HAS3: variants seen among roughly 807,000 people sequenced by gnomAD.
HAS3 encodes HA synthase 3.
A neutral mutation model predicts 50.3 loss-of-function variants in HAS3; 27 were observed. The observed-to-expected ratio is 0.54, with a 90% CI of 0.40 to 0.74. The LOEUF (loss-of-function observed/expected upper bound fraction) is 0.74. Among genes scored for constraint, HAS3 ranks in the 30% least tolerant of loss-of-function variants. HAS3 has a pLI of 0.00. For synonymous variants in HAS3, 339 were observed against 310.9 expected, an observed-to-expected ratio of 1.09 and a Z score of -0.95; for missense variants, 517 against 742.8, an observed-to-expected ratio of 0.70 and a Z score of 3.53.
At chr16:69,103,811 C>T (rs1960721187), upstream of HAS3, among the ~76,000 whole-genome samples, 1 of 152,176 alleles carries the variant, frequency 6.6e-6, no homozygotes, top group African/African-American at 2.4e-5. Context: ...GTCTGGTTTA[C>T]TAACACTTGC....
chr16:69,116,072 T>TA lies in HAS3; in HGVS notation c.*811dup, dbSNP rs1597100719. The TA allele has an allele frequency of 1.0e-6, 1 of 985,596 alleles. No individual in the cohort carries two copies. The highest frequency in any genetic ancestry group is 1.1e-4 in the East Asian group (1 of 8,826). 61.1% of individuals were successfully genotyped at this position (985,596 alleles called of 1,614,324 possible). The stretch of plus-strand genomic sequence containing the variant: ...TTGTCTGTGATCTCTGCTGGGGAGA[T>TA]AAAAAGATTAAGCCCCAACATGTTC... On this transcript the variant is annotated 3_prime_UTR_variant, in exon 4 of 4. Coordinates refer to ENST00000569188, the MANE Select transcript of HAS3 (RefSeq NM_001199280.2).
chr16:69,103,166 G>A (rs1814328824), upstream of HAS3, among the ~76,000 whole-genome samples: 1 of 152,214 alleles, frequency 6.6e-6, no homozygotes, highest in South Asian at 2.1e-4. Context: ...TCCACAGGGA[G>A]ATGAGCCTCT....
chr16:69,087,014 C>T, the HAS3 span, among the ~76,000 whole-genome samples: 2 of 152,218 alleles, frequency 1.3e-5, no homozygotes, highest in Non-Finnish European at 1.5e-5. Flanking sequence ...CCACCCTGCT[C>T]TTCTCCCTCA....
the HAS3 span, chr16:69,083,588 A>G: frequency 6.6e-5 from 106 of 1,600,458 alleles, no homozygotes; most frequent in Admixed American, 2.4e-4. Context: ...GCCCTAGAAG[A>G]GCTGGATGAC....
At chr16:69,098,901 G>C in the HAS3 span, among the ~76,000 whole-genome samples, 1 of 151,634 alleles carries the variant, frequency 6.6e-6, no homozygotes, top group Admixed American at 6.6e-5. Flanking sequence ...ACGACCTCAG[G>C]TGATCTGCCT....
At chr16:69,089,270 G>A in the HAS3 span, among the ~76,000 whole-genome samples, 1 of 152,184 alleles carries the variant, frequency 6.6e-6, no homozygotes, top group Non-Finnish European at 1.5e-5. Context: ...TTGATAAGTC[G>A]AGAGATGAGT....
In HAS3 at chr16:69,114,320, C is replaced by A. The variant is rs903735061; in HGVS notation, c.739-23C>A. ...CTCCGGACGTGCAACCTTAGGAGGC[C>A]CAGCATCTCTATTCCCTTGCAGATC... On this transcript the variant is annotated intron_variant, in intron 3 of 3. Coordinates refer to ENST00000569188, the MANE Select transcript of HAS3 (RefSeq NM_001199280.2). The surrounding 1 kb of genome is among the most constrained non-coding windows in gnomAD (Gnocchi z 6.4). 9 of 1,566,516 alleles carry A rather than the reference C, an allele frequency of 5.7e-6. No homozygotes were observed. Among genetic ancestry groups the A allele is most frequent in the Non-Finnish European group, 7.8e-6 (9 of 1,160,620 alleles).
the HAS3 span, among the ~76,000 whole-genome samples, chr16:69,094,137 G>A: frequency 3.9e-5 from 6 of 152,196 alleles, no homozygotes; most frequent in African/African-American, 7.2e-5. Flanking sequence ...TGGGGAACTA[G>A]GAAAGCTACT....
At chr16:69,099,744 T>C in the HAS3 span, among the ~76,000 whole-genome samples, 2 of 152,164 alleles carry the variant, frequency 1.3e-5, no homozygotes, top group African/African-American at 2.4e-5. Context: ...TCCTCCATTG[T>C]CCTCATGAAC....
chr16:69,102,319 G>A (rs1426762460), upstream of HAS3, among the ~76,000 whole-genome samples: 1 of 152,210 alleles, frequency 6.6e-6, no homozygotes, highest in Non-Finnish European at 1.5e-5. Context: ...CTGAATTCAT[G>A]TTTTTAAGTG....
chr16:69,108,443 A>G lies in HAS3; in HGVS notation c.1-953A>G, dbSNP rs1433135198. 5.9e-5 allele frequency among the ~76,000 whole-genome samples: 9 copies of G among 152,308 alleles called. No homozygotes were observed. The South Asian group carries it at 1.4e-3, about 25-fold the overall frequency. ...CTCTAGTGCCAAGTCCTGGGCTGTT[A>G]TAAAATACAGCTGTTTCCAACAGGG... On this transcript the variant is annotated intron_variant, in intron 1 of 3. Transcript: ENST00000569188.
At chr16:69,090,825 G>A in the HAS3 span, among the ~76,000 whole-genome samples, 4 of 152,054 alleles carry the variant, frequency 2.6e-5, no homozygotes, top group African/African-American at 7.2e-5. Context: ...CACCTGCCTC[G>A]GCCTCCCAAA....
the HAS3 span, among the ~76,000 whole-genome samples, chr16:69,087,318 C>T: frequency 1.3e-5 from 2 of 152,234 alleles, no homozygotes; most frequent in Admixed American, 1.3e-4. Flanking sequence ...ACAGCCAAAC[C>T]CCAGGCTTCT....
the HAS3 span, chr16:69,084,564 T>C: frequency 1.3e-5 from 2 of 152,384 alleles, no homozygotes; most frequent in South Asian, 2.1e-4. Context: ...ATTTCAGATA[T>C]AGCACTGTGG....
chr16:69,107,870 C>G lies in HAS3; in HGVS notation c.1-1526C>G, dbSNP rs1249010376. Among the ~76,000 whole-genome samples, 2 of 152,212 alleles carry G rather than the reference C, an allele frequency of 1.3e-5. No individual in the cohort carries two copies. The highest frequency in any genetic ancestry group is 2.9e-5 in the Non-Finnish European group (2 of 68,026). ...CAGAGCGCCCGGAGGCCGCGCTTCC[C>G]GGAGAGGCTAGGCTGCCAGCAGCTC... is the stretch of plus-strand genomic sequence containing the variant. On this transcript the variant is annotated intron_variant, in intron 1 of 3. Coordinates refer to ENST00000569188, the MANE Select transcript of HAS3 (RefSeq NM_001199280.2). This position sits in a 1 kb window ranked among gnomAD's most constrained non-coding sequence, Gnocchi z 5.5.
the HAS3 span, among the ~76,000 whole-genome samples, chr16:69,098,143 G>A: frequency 6.6e-6 from 1 of 152,248 alleles, no homozygotes; most frequent in South Asian, 2.1e-4. Context: ...CAGCACTTTG[G>A]GAGGCCGAGG....
the HAS3 span, among the ~76,000 whole-genome samples, chr16:69,088,465 C>T: frequency 2.4e-4 from 35 of 148,384 alleles, no homozygotes; most frequent in African/African-American, 8.2e-4. Flanking sequence ...GAGGCTGAGG[C>T]GGGAGAATCA....
chr16:69,112,452 G>A (rs1294987080), intron 2 of HAS3, among the ~76,000 whole-genome samples: 4 of 152,214 alleles, frequency 2.6e-5, no homozygotes, highest in Non-Finnish European at 5.9e-5. Flanking sequence ...TTCCAACATA[G>A]AGAAAGCTGG....
the HAS3 span, chr16:69,083,657 C>G: frequency 1.9e-6 from 3 of 1,557,050 alleles, no homozygotes; most frequent in South Asian, 2.4e-5. Flanking sequence ...ATGGTCCTGC[C>G]GTAGACCTGG....
Sources: gnomAD v4.1 joint callset for allele counts (sites outside exome capture counted in the v4.1 genomes callset) on GRCh38, gnomAD v4.1.1 for gene constraint, Gnocchi (gnomAD v3.1) non-coding constraint, MANE v1.5 for transcripts, NCBI Gene and HGNC (gene_info 2026-07-23, HGNC 2026-07-21) for gene names.